PRKCB: variants seen among roughly 807,000 people sequenced by gnomAD.
PRKCB encodes protein kinase C beta type.
PRKCB carries 13 observed loss-of-function variants against 81.5 expected under a neutral mutation model. The ratio of observed to expected loss-of-function variants is 0.16; its 90% confidence interval spans 0.10 to 0.25. PRKCB has a LOEUF of 0.25. PRKCB is among the 10% of genes least tolerant of loss of function. The probability of loss-of-function intolerance (pLI) is 1.00; values close to 1 mark genes in which losing one functional copy is unlikely to be tolerated. For missense variants in PRKCB, 509 were observed against 875.7 expected (o/e 0.58, Z 5.29); for synonymous variants, 335 against 321.4 (o/e 1.04, Z -0.45).
chr16:23,855,650 A>T (rs758848469), intron 2 of PRKCB, among the ~76,000 whole-genome samples: 5 of 152,192 alleles, frequency 3.3e-5, no homozygotes, highest in Non-Finnish European at 7.3e-5. Flanking sequence ...TTTATTGGGG[A>T]TGTAGCTCTT....
At chr16:24,213,458 G>A (rs1271509611) in intron 16 of PRKCB, among the ~76,000 whole-genome samples, 8 of 152,246 alleles carry the variant, frequency 5.3e-5, no homozygotes, top group East Asian at 3.9e-4. Flanking sequence ...TCTCAGTTCC[G>A]TCATCTATAA....
At chr16:23,897,930 G>T (rs1477750623) in intron 2 of PRKCB, among the ~76,000 whole-genome samples, 1 of 151,656 alleles carries the variant, frequency 6.6e-6, no homozygotes, top group African/African-American at 2.4e-5. Context: ...ATGGAGTCTT[G>T]CTCTGTTGTC....
At chr16:23,989,658 C>G (rs1200834022) in intron 3 of PRKCB, among the ~76,000 whole-genome samples, 1 of 151,958 alleles carries the variant, frequency 6.6e-6, no homozygotes, top group African/African-American at 2.4e-5. Flanking sequence ...GATTTGAGGA[C>G]AATATTAAGT....
At chr16:24,149,365 A>G (rs1967041853) in intron 9 of PRKCB, among the ~76,000 whole-genome samples, 1 of 152,202 alleles carries the variant, frequency 6.6e-6, no homozygotes, top group Non-Finnish European at 1.5e-5. Context: ...ATGTAACTCC[A>G]AGAGAGGACA....
intron 2 of PRKCB, among the ~76,000 whole-genome samples, chr16:23,879,317 AG>A (rs1963067511): frequency 6.6e-6 from 1 of 152,014 alleles, no homozygotes; most frequent in Non-Finnish European, 1.5e-5. Context: ...GGAGTGGGAA[AG>A]TGGTTTTCTT....
intron 5 of PRKCB, among the ~76,000 whole-genome samples, chr16:24,076,234 G>A (rs1434174407): frequency 6.6e-6 from 1 of 152,178 alleles, no homozygotes; most frequent in East Asian, 1.9e-4. Context: ...TTATTTATAT[G>A]CCCCAGTTAA....
intron 2 of PRKCB, among the ~76,000 whole-genome samples, chr16:23,970,338 C>A (rs138557950): frequency 6.6e-6 from 1 of 152,140 alleles, no homozygotes; most frequent in Non-Finnish European, 1.5e-5. Flanking sequence ...GTGGAGTGGG[C>A]GGTTGTCCCA....
intron 2 of PRKCB, among the ~76,000 whole-genome samples, chr16:23,854,941 A>C (rs954214819): frequency 6.6e-6 from 1 of 152,162 alleles, no homozygotes; most frequent in African/African-American, 2.4e-5. Flanking sequence ...CCTCCTAGGG[A>C]AATGGTAGGG....
At chr16:24,107,383 T>A (rs1966592209) in intron 7 of PRKCB, among the ~76,000 whole-genome samples, 1 of 152,232 alleles carries the variant, frequency 6.6e-6, no homozygotes, top group Non-Finnish European at 1.5e-5. Flanking sequence ...AGCACAGACA[T>A]TTCTGTGTCC....
chr16:24,049,181 C>T (rs1332342770), intron 5 of PRKCB, among the ~76,000 whole-genome samples: 1 of 149,532 alleles, frequency 6.7e-6, no homozygotes, highest in Non-Finnish European at 1.5e-5. Flanking sequence ...CCAAACCTCC[C>T]TGTGTTAGGA....
intron 5 of PRKCB, among the ~76,000 whole-genome samples, chr16:24,090,826 T>C (rs945517530): frequency 6.6e-6 from 1 of 152,198 alleles, no homozygotes; most frequent in Admixed American, 6.5e-5. Context: ...TGGTAGGAGA[T>C]AACTATGATT....
intron 3 of PRKCB, among the ~76,000 whole-genome samples, chr16:24,031,507 G>A (rs1427026752): frequency 1.3e-5 from 2 of 152,212 alleles, no homozygotes; most frequent in African/African-American, 4.8e-5. Context: ...GCACCTGCAA[G>A]AGGTGCTGGG....
At position 24,053,149 on chromosome 16, in the gene PRKCB, AC is replaced by A. The variant is rs1965862627; in HGVS notation, c.529+17603del. ...TAGTTCTCTTCCCCTCACATCCAGC[AC>A]GGGGTTACTGCCATTTGTAGTTCAC... On this transcript the variant is annotated intron_variant, in intron 5 of 16. Coordinates refer to ENST00000643927, the MANE Select transcript of PRKCB (RefSeq NM_002738.7). Among the ~76,000 whole-genome samples, 3 of 152,202 alleles carry A rather than the reference AC, an allele frequency of 2.0e-5. No homozygotes were observed. The South Asian group carries it at 6.2e-4, about 31-fold the overall frequency.
chr16:24,195,060 G>C (rs1357351386), intron 16 of PRKCB, among the ~76,000 whole-genome samples: 1 of 152,038 alleles, frequency 6.6e-6, no homozygotes, highest in Non-Finnish European at 1.5e-5. Context: ...AAACGTTGGT[G>C]GGCGTGATAG....
rs1555498212 is a variant in PRKCB at position 24,122,468 on chromosome 16, T to TTTTTTTTTTTTTC, written c.919-1367_919-1366insTTTTTTTTTTTTC. ...ACGAGGCTTTTTTTTTTTTTTTTTTTAGTGAGAGAGAGATGGGATCTCACT... is the reference window on the plus strand; with the variant it reads ...ACGAGGCTTTTTTTTTTTTTTTTTTTTTTTTTTTTTTTCAGTGAGAGAGAGATGGGATCTCACT... On this transcript the variant is annotated intron_variant, in intron 8 of 16. Coordinates refer to ENST00000643927, the MANE Select transcript of PRKCB (RefSeq NM_002738.7). Among the ~76,000 whole-genome samples, 5 of 138,930 alleles carry TTTTTTTTTTTTTC rather than the reference T, an allele frequency of 3.6e-5. 2 individuals are homozygous for TTTTTTTTTTTTTC. The highest frequency in any genetic ancestry group is 1.7e-4 in the African/African-American group (5 of 30,280). The allele number at this position is 138,930 out of a possible 152,430, so 91.1% of individuals were successfully genotyped here. A position where few individuals can be genotyped will look rare whatever the true frequency, so the allele number is the denominator to read the frequency against.
At chr16:23,844,724 G>A (rs1439654419) in intron 2 of PRKCB, among the ~76,000 whole-genome samples, 1 of 151,200 alleles carries the variant, frequency 6.6e-6, no homozygotes, top group East Asian at 2.0e-4. Flanking sequence ...AGCCAGGATG[G>A]TATCGATCTC....
At chr16:24,172,389 T>A (rs747525713) in intron 11 of PRKCB, 28 bp downstream of exon 11, 7 of 1,599,296 alleles carry the variant, frequency 4.4e-6, no homozygotes, top group Non-Finnish European at 5.1e-6. Context: ...CTGTGCTTTC[T>A]CCTTGGGATA....
At chr16:23,933,383 A>G (rs1355250820) in intron 2 of PRKCB, among the ~76,000 whole-genome samples, 1 of 152,032 alleles carries the variant, frequency 6.6e-6, no homozygotes, top group Non-Finnish European at 1.5e-5. Context: ...GATGATATTT[A>G]TTGATGAGCC....
At chr16:23,934,318 GTTTTTT>G (rs3073130) in intron 2 of PRKCB, among the ~76,000 whole-genome samples, 3,578 of 135,100 alleles carry the variant, frequency 0.026, 57 homozygotes, top group African/African-American at 0.04. Flanking sequence ...GAAAAAAGCT[GTTTTTT>G]TTTTTTTTTT....
Sources: allele counts gnomAD v4.1 joint callset (sites outside exome capture counted in the v4.1 genomes callset), GRCh38; gene constraint gnomAD v4.1.1; transcripts MANE v1.5; gene names NCBI Gene and HGNC (gene_info 2026-07-23, HGNC 2026-07-21).